Variants in PASD1 observed in about 807,000 individuals in gnomAD.
The protein encoded by PASD1 is circadian clock protein PASD1.
PASD1 carries 13 observed loss-of-function variants against 58.8 expected under a neutral mutation model. The ratio of observed to expected loss-of-function variants is 0.22; its 90% CI spans 0.14 to 0.35. PASD1 has a LOEUF of 0.35. Among genes scored for constraint, PASD1 ranks in the 10% least tolerant of loss-of-function variants. The pLI is 1.00. For missense variants in PASD1, 734 were observed against 568.3 expected, an observed-to-expected ratio of 1.29 and a Z score of -2.96; for synonymous variants, 236 against 216.7, an observed-to-expected ratio of 1.09 and a Z score of -0.78.
intron 7 of PASD1, among the ~76,000 whole-genome samples, chrX:151,623,850 C>T (rs994132037): frequency 1.8e-5 from 2 of 111,484 alleles, no homozygotes; most frequent in Non-Finnish European, 3.8e-5. Flanking sequence ...AAGGTAGTAA[C>T]TAGCTTGGAG....
At chrX:151,653,942 T>TTTCTTTCTTTC (rs1260363488) in intron 9 of PASD1, among the ~76,000 whole-genome samples, 3 of 69,276 alleles carry the variant, frequency 4.3e-5, no homozygotes, top group Non-Finnish European at 7.9e-5. Context: ...TTCTTTCTTT[T>TTTCTTTCTTTC]TCTCTCTTTC....
In PASD1 at chrX:151,604,699, C is replaced by T. The variant is rs1427682514; in HGVS notation, c.82C>T (p.Pro28Ser). The T allele has an allele frequency of 8.3e-6, 10 of 1,208,657 alleles. No individual in the cohort carries two copies. The South Asian group carries it at 8.8e-5, about 11-fold the overall frequency. The change falls in exon 3 of 16, where the codon CCT becomes TCT. Residue 28 changes from proline to serine, a missense_variant. Coordinates refer to ENST00000370357, the MANE Select transcript of PASD1 (RefSeq NM_173493.3). ...GAAATTAAACTGGATTCCATCATTT[C>T]CTACCTATGATTACTTCAACCAAGT... is the stretch of plus-strand genomic sequence containing the variant. ...QRKLNWIPSF[P>S]TYDYFNQVTL...
At chrX:151,580,736 A>G (rs891850240) in intron 1 of PASD1, among the ~76,000 whole-genome samples, 1 of 110,720 alleles carries the variant, frequency 9.0e-6, no homozygotes, top group South Asian at 3.8e-4. Flanking sequence ...AAAGATGTTC[A>G]TGGTATAATG....
chrX:151,593,772 G>T (rs1221127589), intron 1 of PASD1, among the ~76,000 whole-genome samples: 1 of 111,047 alleles, frequency 9.0e-6, no homozygotes, highest in African/African-American at 3.3e-5. Flanking sequence ...TAATGGGATT[G>T]CTGGGTCAAA....
intron 8 of PASD1, among the ~76,000 whole-genome samples, chrX:151,647,789 C>T (rs1263738915): frequency 9.0e-6 from 1 of 110,506 alleles, no homozygotes; most frequent in East Asian, 2.8e-4. Flanking sequence ...AATTTATCTC[C>T]ATTGGATCAG....
chrX:151,628,360 T>A (rs1195682998), intron 8 of PASD1, among the ~76,000 whole-genome samples: 2 of 112,320 alleles, frequency 1.8e-5, no homozygotes, highest in Non-Finnish European at 3.8e-5. Flanking sequence ...AAGTCTTTAA[T>A]CCATCTGGAA....
In PASD1 at chrX:151,676,027, C is replaced by T. The variant is rs140318659; in HGVS notation, c.2206C>T (p.Pro736Ser). 8.3e-7 allele frequency: 1 copy of T among 1,209,732 alleles called. No homozygotes were observed. Among genetic ancestry groups the T allele is most frequent in the Non-Finnish European group, 1.1e-6 (1 of 894,745 alleles). The change falls in exon 16 of 16, where the codon CCT becomes TCT. Residue 736 changes from proline (P) to serine (S), a missense_variant. Pro to Ser is a moderately conservative substitution (Grantham distance 74, BLOSUM62 -1). Coordinates refer to ENST00000370357, the MANE Select transcript of PASD1 (RefSeq NM_173493.3). The stretch of plus-strand genomic sequence containing the variant: ...AGTTTCTGAGGTAGGAGTCGAGGGA[C>T]CTCCTGATCCACAGGCTTTCCAAGG... ...VQVSEVGVEG[P>S]PDPQAFQGPA...
chrX:151,630,912 A>G (rs1215493145), intron 8 of PASD1, among the ~76,000 whole-genome samples: 1 of 112,169 alleles, frequency 8.9e-6, no homozygotes. Flanking sequence ...TTGAGGCTAC[A>G]GGTGTACCGG....
At chrX:151,595,944 C>A (rs987977898) in intron 1 of PASD1, among the ~76,000 whole-genome samples, 1 of 111,161 alleles carries the variant, frequency 9.0e-6, no homozygotes, top group Non-Finnish European at 1.9e-5. Context: ...AGGTAGAAAT[C>A]TGGGATTTCT....
intron 3 of PASD1, among the ~76,000 whole-genome samples, chrX:151,607,289 C>A (rs1033765478): frequency 8.9e-6 from 1 of 112,022 alleles, no homozygotes; most frequent in African/African-American, 3.2e-5. Context: ...CATGATATTG[C>A]ATGTAACTCT....
chrX:151,565,467 G>T (rs752778504), intron 1 of PASD1, among the ~76,000 whole-genome samples: 3 of 111,164 alleles, frequency 2.7e-5, no homozygotes, highest in Non-Finnish European at 3.8e-5. Flanking sequence ...TCTTCCATCA[G>T]CAAAGAACAG....
chrX:151,645,783 A>G (rs1372936102), intron 8 of PASD1: 1 of 112,002 alleles, frequency 8.9e-6, no homozygotes, highest in East Asian at 2.8e-4. Context: ...TACATGTTAT[A>G]TCCCATATCC....
chrX:151,648,516 A>G, intron 8 of PASD1, 99 bp from the exon 9 acceptor site: 1 of 802,691 alleles, frequency 1.2e-6, no homozygotes, highest in African/African-American at 2.0e-5. Context: ...AAAATAAAAC[A>G]AATAGTTTTT....
chrX:151,617,627 A>G (rs141839812), intron 4 of PASD1, among the ~76,000 whole-genome samples: 1,137 of 112,019 alleles, frequency 0.01, 18 homozygotes, highest in African/African-American at 0.035. Context: ...CTTATAAGAA[A>G]TAAGTATAAA....
At chrX:151,655,258 G>A (rs2124303114) in intron 9 of PASD1, among the ~76,000 whole-genome samples, 1 of 108,126 alleles carries the variant, frequency 9.2e-6, no homozygotes, top group African/African-American at 3.3e-5. Flanking sequence ...TATCACTGAT[G>A]GACATTTGGG....
intron 4 of PASD1, among the ~76,000 whole-genome samples, chrX:151,613,948 T>C (rs2013603586): frequency 9.0e-6 from 1 of 111,191 alleles, no homozygotes; most frequent in African/African-American, 3.3e-5. Context: ...GACATCCTTA[T>C]TCTTACTATA....
chrX:151,648,620 C>G lies in PASD1; in HGVS notation c.635C>G (p.Ser212Cys). The G allele has an allele frequency of 2.5e-6, 3 of 1,209,672 alleles. No homozygotes were observed. The highest frequency in any genetic ancestry group is 3.4e-6 in the Non-Finnish European group (3 of 894,139). ...CTCTTTTTTCCTATTTATAGTAGCT[C>G]TCAAGGTCAAAGAGGACACACTAGC... ...EEPFVGELSSSQGQRGHTSMK... is the reference protein window; with the variant it reads ...EEPFVGELSSCQGQRGHTSMK... The change falls in exon 9 of 16, where the codon TCT (serine) becomes TGT (cysteine). Residue 212 changes from serine to cysteine, a missense_variant. Physicochemically the swap from Ser to Cys is moderately radical, Grantham distance 112 (BLOSUM62 -1). Coordinates refer to ENST00000370357, the MANE Select transcript of PASD1 (RefSeq NM_173493.3).
chrX:151,648,803 G>A, intron 9 of PASD1, 101 bp downstream of exon 9: 4 of 927,575 alleles, frequency 4.3e-6, no homozygotes, highest in South Asian at 2.4e-5. Flanking sequence ...TCATATGGAT[G>A]TGACACATGA....
intron 8 of PASD1, among the ~76,000 whole-genome samples, chrX:151,635,579 A>G (rs763242059): frequency 8.9e-6 from 1 of 112,224 alleles, no homozygotes; most frequent in Non-Finnish European, 1.9e-5. Flanking sequence ...ACTGTCCTCA[A>G]TATAGTTACT....
Sources: gnomAD v4.1 joint callset for allele counts (sites outside exome capture counted in the v4.1 genomes callset) on GRCh38, gnomAD v4.1.1 for gene constraint, MANE v1.5 for transcripts, NCBI Gene and HGNC (gene_info 2026-07-23, HGNC 2026-07-21) for gene names.